Variants in TEX55 observed in about 807,000 individuals in gnomAD.
The protein encoded by TEX55 is testis expressed 55.
Under a neutral mutation model 44.6 loss-of-function variants are expected in TEX55, and 31 were observed. The observed-to-expected ratio is 0.69, with a 90% CI of 0.52 to 0.94. The LOEUF is 0.94. Among genes scored for constraint, TEX55 ranks in the 40% least tolerant of loss-of-function variants. The probability of loss-of-function intolerance (pLI) is 0.00; values close to 1 mark genes in which losing one functional copy is unlikely to be tolerated. For missense variants in TEX55, 639 were observed against 638.4 expected (o/e 1.00, Z -0.01); for synonymous variants, 230 against 230.9 (o/e 1.00, Z 0.04).
rs145826966 is a variant in TEX55 at position 119,147,572 on chromosome 3, C to T, written c.1383C>T (p.Ala461=). The T allele has an allele frequency of 1.9e-6, 3 of 1,612,680 alleles. No homozygotes were observed. The highest frequency in any genetic ancestry group is 2.5e-6 in the Non-Finnish European group (3 of 1,179,466). ...CCAGCAGTCAAGAAAAAACTCAAGC[C>T]ATAGTAACCAAATCTGTAAGTTAAA... The part of the protein sequence containing the change: ...NYTSSQEKTQ[A]IVTKSDEFSE... The change falls in exon 1 of 3, where the codon GCC becomes GCT. Residue 461 remains alanine, a synonymous_variant. Coordinates refer to ENST00000295622, the MANE Select transcript of TEX55 (RefSeq NM_152539.3).
intron 2 of TEX55, among the ~76,000 whole-genome samples, chr3:119,150,472 T>C (rs2077771269): frequency 6.6e-6 from 1 of 152,098 alleles, no homozygotes; most frequent in South Asian, 2.1e-4. Context: ...ATCCTGAAAT[T>C]TGCCTGATTT....
Position 119,147,485 on chromosome 3 carries a change from C to G in TEX55, c.1296C>G (p.Phe432Leu). ...TTGATGCCAGATTCACCAGTAACTTCCAAGCAAAAGACCAAGCTCTTTTCC... is the reference window on the plus strand; with the variant it reads ...TTGATGCCAGATTCACCAGTAACTTGCAAGCAAAAGACCAAGCTCTTTTCC... ...NPVDARFTSN[F>L]QAKDQALFPR... Residue 432 changes from phenylalanine (F) to leucine (L), a missense_variant, in exon 1 of 3, where the codon TTC (phenylalanine) becomes TTG (leucine). By Grantham distance (22) the Phe-to-Leu change is conservative. Transcript: ENST00000295622. 6.2e-7 allele frequency: 1 copy of G among 1,614,102 alleles called. No individual in the cohort carries two copies. The highest frequency in any genetic ancestry group is 1.1e-5 in the South Asian group (1 of 91,068).
rs76419175 is a variant in TEX55, at chr3:119,148,222, C to G, written c.1441C>G (p.Arg481Gly). The change falls in exon 2 of 3, where the codon CGC (arginine) becomes GGC (glycine). Residue 481 changes from arginine (R) to glycine (G), a missense_variant. Transcript: ENST00000295622. ...EIDQGKGYHI[R>G]NQTYRRFPSI... ...TGACCAAGGAAAGGGTTATCATATA[C>G]GCAATCAAACTTATAGAAGGTTCCC... is the stretch of plus-strand genomic sequence containing the variant. 1.9e-6 allele frequency: 3 copies of G among 1,610,580 alleles called. No homozygotes were observed. The highest frequency in any genetic ancestry group is 1.7e-5 in the Admixed American group (1 of 59,612).
chr3:119,148,127 C>G, intron 1 of TEX55, 53 bp from the exon 2 acceptor site: 1 of 1,512,762 alleles, frequency 6.6e-7, no homozygotes, highest in East Asian at 2.3e-5. Flanking sequence ...ATGACAATTC[C>G]TAGGCCCTTC....
chr3:119,151,184 C>A, intron 2 of TEX55, 40 bp from the exon 3 acceptor site: 1 of 1,343,594 alleles, frequency 7.4e-7, no homozygotes, highest in Non-Finnish European at 1.1e-6. Context: ...CATAATTTTG[C>A]TCAGAACCAT....
In TEX55 at chr3:119,147,441, A is replaced by G. The variant is rs149798586; in HGVS notation, c.1252A>G (p.Ile418Val). 8.7e-6 allele frequency: 14 copies of G among 1,614,024 alleles called. No homozygotes were observed. The highest frequency in any genetic ancestry group is 4.0e-5 in the African/African-American group (3 of 74,922). The change falls in exon 1 of 3, where the codon ATC becomes GTC. Residue 418 changes from isoleucine (I) to valine (V), a missense_variant. Ile to Val is a conservative substitution (Grantham distance 29). Coordinates refer to ENST00000295622, the MANE Select transcript of TEX55 (RefSeq NM_152539.3). ...AATGGAAACTCAGAATGCAACCACT[A>G]TCCCACCCTACAACCCAGTTGATGC... is the stretch of plus-strand genomic sequence containing the variant. The part of the protein sequence containing the change: ...VEMETQNATT[I>V]PPYNPVDARF...
intron 1 of TEX55, 141 bp from the exon 2 acceptor site, chr3:119,148,039 A>G (rs781210526): frequency 1.3e-6 from 1 of 777,260 alleles, no homozygotes; most frequent in South Asian, 1.9e-5. Flanking sequence ...CTGGAGGATT[A>G]TCCAAGTCTC....
chr3:119,150,740 A>G (rs1019684467), intron 2 of TEX55, among the ~76,000 whole-genome samples: 2 of 152,158 alleles, frequency 1.3e-5, no homozygotes, highest in African/African-American at 4.8e-5. Context: ...TAATTTCTCA[A>G]TCTAGCAAGA....
At position 119,148,422 on chromosome 3, in the gene TEX55, T is replaced by C. The variant is rs796202125; in HGVS notation, c.1542+99T>C. 3.6e-6 allele frequency: 4 copies of C among 1,109,824 alleles called. No homozygotes were observed. The African/African-American group carries it at 6.4e-5, about 18-fold the overall frequency. 68.7% of individuals were successfully genotyped at this position (1,109,824 alleles called of 1,614,324 possible). On this transcript the variant is annotated intron_variant, in intron 2 of 2. Coordinates refer to ENST00000295622, the MANE Select transcript of TEX55 (RefSeq NM_152539.3). ...GGATATATTCTAATTGAGAAGACAA[T>C]AAGTGCATTAAGATGTAGTTACCAT...
chr3:119,148,470 A>G (rs1275328604), intron 2 of TEX55, 147 bp downstream of exon 2: 9 of 758,958 alleles, frequency 1.2e-5, no homozygotes, highest in Non-Finnish European at 1.9e-5. Context: ...ATAAACACCA[A>G]ATAGATGATA....
In TEX55 at chr3:119,146,591, G is replaced by T. The variant is rs1445220361; in HGVS notation, c.402G>T (p.Val134=). 2 of 1,613,902 alleles carry T rather than the reference G, an allele frequency of 1.2e-6. No homozygotes were observed. The highest frequency in any genetic ancestry group is 3.3e-5 in the Admixed American group (2 of 60,012). ...NVQHEQSDGQ[V]SGLTEERTAE... is the part of the protein sequence containing the mutation. Reference sequence around the variant, plus strand: ...AGCATGAACAGAGTGATGGTCAGGTGTCTGGCCTGACGGAGGAAAGAACTG... The same window carrying T: ...AGCATGAACAGAGTGATGGTCAGGTTTCTGGCCTGACGGAGGAAAGAACTG... The change falls in exon 1 of 3, where the codon GTG becomes GTT. Residue 134 remains valine (V), a synonymous_variant. Coordinates refer to ENST00000295622, the MANE Select transcript of TEX55 (RefSeq NM_152539.3).
At chr3:119,148,981 CGAGTCAGTGAGTGGT>C (rs1355681937) in intron 2 of TEX55, among the ~76,000 whole-genome samples, 1 of 152,102 alleles carries the variant, frequency 6.6e-6, no homozygotes, top group Non-Finnish European at 1.5e-5. Context: ...TTGCTCTGAG[CGAGTCAGTGAGTGGT>C]GAGTCAGTGT....
In TEX55 at chr3:119,147,419, G is replaced by A; in HGVS notation, c.1230G>A (p.Met410Ile). 2 of 1,614,138 alleles carry A rather than the reference G, an allele frequency of 1.2e-6. No homozygotes were observed. The highest frequency in any genetic ancestry group is 1.7e-6 in the Non-Finnish European group (2 of 1,180,034). ...TCAATTCCAAGCCTTCAGTTGAAAT[G>A]GAAACTCAGAATGCAACCACTATCC... ...VDLNSKPSVE[M>I]ETQNATTIPP... Residue 410 changes from methionine to isoleucine, a missense_variant, in exon 1 of 3, where the codon ATG becomes ATA. Coordinates refer to ENST00000295622, the MANE Select transcript of TEX55 (RefSeq NM_152539.3).
At chr3:119,150,739 A>T in intron 2 of TEX55, among the ~76,000 whole-genome samples, 1 of 152,146 alleles carries the variant, frequency 6.6e-6, no homozygotes. Context: ...TTAATTTCTC[A>T]ATCTAGCAAG....
Position 119,146,536 on chromosome 3 carries a change from G to T in TEX55, c.347G>T (p.Gly116Val). Reference sequence around the variant, plus strand: ...CAAACACCGTCTGAACAGACTAAAGGCAAGGCATCTAGCCAAGCTAATAAT... The same window carrying T: ...CAAACACCGTCTGAACAGACTAAAGTCAAGGCATCTAGCCAAGCTAATAAT... Reference protein sequence around the residue: ...VNQTPSEQTKGKASSQANNVQ... With the variant: ...VNQTPSEQTKVKASSQANNVQ... The change falls in exon 1 of 3, where the codon GGC becomes GTC. Residue 116 changes from glycine (G) to valine (V), a missense_variant. Coordinates refer to ENST00000295622, the MANE Select transcript of TEX55 (RefSeq NM_152539.3). 9 of 1,613,956 alleles carry T rather than the reference G, an allele frequency of 5.6e-6. No homozygotes were observed. Among genetic ancestry groups the T allele is most frequent in the Non-Finnish European group, 7.6e-6 (9 of 1,180,042 alleles).
At chr3:119,151,143 G>A (rs775884415) in intron 2 of TEX55, 81 bp from the exon 3 acceptor site, 19 of 907,066 alleles carry the variant, frequency 2.1e-5, no homozygotes, top group Middle Eastern at 2.2e-4. Context: ...TTAGGTTAGT[G>A]GGAAAGATAG....
In TEX55 at chr3:119,147,188, T is replaced by C; in HGVS notation, c.999T>C (p.Pro333=). The C allele has an allele frequency of 6.2e-6, 10 of 1,614,096 alleles. No homozygotes were observed. The highest frequency in any genetic ancestry group is 7.6e-6 in the Non-Finnish European group (9 of 1,180,006). The change falls in exon 1 of 3, where the codon CCT becomes CCC. Residue 333 remains proline (P), a synonymous_variant. Coordinates refer to ENST00000295622, the MANE Select transcript of TEX55 (RefSeq NM_152539.3). ...AAGCTCATAGTAATGCTGATCAACC[T>C]CCAGTTGACAATGCTCACTACACTG... ...IDQAHSNADQ[P]PVDNAHYTES...
At chr3:119,147,853 C>A (rs1465315708) in intron 1 of TEX55, among the ~76,000 whole-genome samples, 1 of 152,192 alleles carries the variant, frequency 6.6e-6, no homozygotes, top group Non-Finnish European at 1.5e-5. Flanking sequence ...ATTTTAAGTC[C>A]TAGTTCTGCA....
intron 1 of TEX55, 151 bp from the exon 2 acceptor site, chr3:119,148,029 C>A (rs2077747576): frequency 2.7e-6 from 2 of 730,218 alleles, no homozygotes; most frequent in Admixed American, 2.7e-5. Flanking sequence ...ACCTGGAGAC[C>A]TGGAGGATTA....
Sources: allele counts gnomAD v4.1 joint callset (sites outside exome capture counted in the v4.1 genomes callset), GRCh38; gene constraint gnomAD v4.1.1; transcripts MANE v1.5; gene names NCBI Gene and HGNC (gene_info 2026-07-23, HGNC 2026-07-21).